TRIT1: variants seen among roughly 807,000 people sequenced by gnomAD.
TRIT1 encodes tRNA isopentenyltransferase 1, also known as tRNA dimethylallyltransferase.
Under a neutral mutation model 51.2 loss-of-function variants are expected in TRIT1, and 43 were observed. That is an observed-to-expected ratio of 0.84 (90% CI 0.66 to 1.08). The LOEUF is 1.08. Among genes scored for constraint, TRIT1 ranks in the 50% least tolerant of loss-of-function variants. The pLI is 0.00. For synonymous variants in TRIT1, 184 were observed against 203.9 expected (o/e 0.90, Z 0.83); for missense variants, 528 against 578.4 (o/e 0.91, Z 0.89).
Position 39,847,980 on chromosome 1 carries a change from C to T in TRIT1, c.815+6G>A, listed in dbSNP as rs1642333611. On this transcript the variant is annotated splice_donor_region_variant and intron_variant, in intron 6 of 10. Coordinates refer to ENST00000316891, the MANE Select transcript of TRIT1 (RefSeq NM_017646.6). The stretch of plus-strand genomic sequence containing the variant: ...CAGTAGGTCAGAATAACAGCCAAAT[C>T]CTCACCTATTTTCCGAAACATTCTT... 2 of 1,610,744 alleles carry T rather than the reference C, an allele frequency of 1.2e-6. No individual in the cohort carries two copies. The highest frequency in any genetic ancestry group is 1.7e-5 in the Admixed American group (1 of 60,000).
In TRIT1 at chr1:39,844,265, G is replaced by A. The variant is rs751822165; in HGVS notation, c.1117-47C>T. On this transcript the variant is annotated intron_variant, in intron 9 of 10. Coordinates refer to ENST00000316891, the MANE Select transcript of TRIT1 (RefSeq NM_017646.6). The stretch of plus-strand genomic sequence containing the variant: ...GGAGTATTCAATTCAAAGAGATCTG[G>A]ATATAATTCTCTATTAAGGGAAATG... 2.8e-6 allele frequency: 4 copies of A among 1,439,718 alleles called. No individual in the cohort carries two copies. The African/African-American group carries it at 5.7e-5, about 20-fold the overall frequency. The allele number at this position is 1,439,718 out of a possible 1,614,324, so 89.2% of individuals were successfully genotyped here. A position where few individuals can be genotyped will look rare whatever the true frequency, so the allele number is the denominator to read the frequency against.
rs1359498966 is a variant in TRIT1, at chr1:39,839,978, G to A, written c.*1766C>T. ...CTACAAACTGCCAGCTTAACACAGT[G>A]CTTAATAGCTTGAGTCTACCAGCCT... On this transcript the variant is annotated 3_prime_UTR_variant, in exon 11 of 11. Coordinates refer to ENST00000316891, the MANE Select transcript of TRIT1 (RefSeq NM_017646.6). 6.6e-6 allele frequency among the ~76,000 whole-genome samples: 1 copy of A among 152,196 alleles called. No homozygotes were observed. Among genetic ancestry groups the A allele is most frequent in the African/African-American group, 2.4e-5 (1 of 41,442 alleles).
intron 5 of TRIT1, 27 bp downstream of exon 5, chr1:39,850,092 G>T: frequency 6.2e-7 from 1 of 1,612,182 alleles, no homozygotes; most frequent in South Asian, 1.1e-5. Context: ...ATCACAGATG[G>T]ACTCTAGGGC....
chr1:39,878,810 C>T (rs1644151094), intron 1 of TRIT1, among the ~76,000 whole-genome samples: 1 of 152,176 alleles, frequency 6.6e-6, no homozygotes, highest in Non-Finnish European at 1.5e-5. Flanking sequence ...TTAGCTGCAG[C>T]AAATTTTATC....
At chr1:39,859,298 G>GAAAAAAAAAAAAAAAAAAA (rs1643099762) in intron 1 of TRIT1, among the ~76,000 whole-genome samples, 1 of 76,158 alleles carries the variant, frequency 1.3e-5, no homozygotes. Flanking sequence ...AAAAAAAAAC[G>GAAAAAAAAAAAAAAAAAAA]AAAGAGGCCA....
In TRIT1 at chr1:39,844,635, C is replaced by A. The variant is rs752510380; in HGVS notation, c.1012G>T (p.Gly338Cys). 2 of 1,611,158 alleles carry A rather than the reference C, an allele frequency of 1.2e-6. No individual in the cohort carries two copies. Among genetic ancestry groups the A allele is most frequent in the Non-Finnish European group, 1.7e-6 (2 of 1,177,464 alleles). ...WVKNRFLSRPGPIVPPVYGLE... is the reference protein window; with the variant it reads ...WVKNRFLSRPCPIVPPVYGLE... ...CCATAGACAGGGGGGACAATGGGAC[C>A]AGGTCCTAATGATGACAAAGAAAGG... Residue 338 changes from glycine to cysteine, a missense_variant, in exon 9 of 11, where the codon GGT becomes TGT. Gly to Cys is a radical substitution (Grantham distance 159, BLOSUM62 -3). Coordinates refer to ENST00000316891, the MANE Select transcript of TRIT1 (RefSeq NM_017646.6).
chr1:39,848,134 TGTAG>T, intron 5 of TRIT1, 37 bp from the exon 6 acceptor site: 1 of 1,498,380 alleles, frequency 6.7e-7, no homozygotes, highest in Non-Finnish European at 9.3e-7. Flanking sequence ...GCAAGCAAGT[TGTAG>T]GTACCTACTA....
Position 39,848,104 on chromosome 1 carries a change from T to C in TRIT1, c.704-7A>G. On this transcript the variant is annotated splice_region_variant and splice_polypyrimidine_tract_variant and intron_variant, in intron 5 of 10. Coordinates refer to ENST00000316891, the MANE Select transcript of TRIT1 (RefSeq NM_017646.6). The stretch of plus-strand genomic sequence containing the variant: ...TCCAAGCGCTCATCTAGAACTTGAA[T>C]CAAATTAGCCCATCAACCAGCAAGC... 6.2e-7 allele frequency: 1 copy of C among 1,612,778 alleles called. No individual in the cohort carries two copies. The highest frequency in any genetic ancestry group is 8.5e-7 in the Non-Finnish European group (1 of 1,178,800).
chr1:39,853,861 A>G, intron 3 of TRIT1, 109 bp downstream of exon 3: 1 of 709,594 alleles, frequency 1.4e-6, no homozygotes, highest in East Asian at 2.7e-5. Flanking sequence ...GGAAAATTAT[A>G]GTTGCTGGGT....
intron 1 of TRIT1, among the ~76,000 whole-genome samples, chr1:39,868,268 G>T (rs1301768069): frequency 1.3e-5 from 2 of 152,154 alleles, no homozygotes; most frequent in Admixed American, 1.3e-4. Context: ...ACTGTGAAGA[G>T]AATGAAAAAA....
intron 1 of TRIT1, among the ~76,000 whole-genome samples, chr1:39,864,587 G>C (rs1643430040): frequency 1.6e-5 from 2 of 125,820 alleles, no homozygotes; most frequent in Admixed American, 8.5e-5. Context: ...GACAGAGCGA[G>C]ACTCTGTCTC....
At chr1:39,870,219 C>G (rs12044317) in intron 1 of TRIT1, among the ~76,000 whole-genome samples, 1 of 151,898 alleles carries the variant, frequency 6.6e-6, no homozygotes. Context: ...CCCCCAACCC[C>G]GTGCTCTCTG....
Position 39,852,818 on chromosome 1 carries a change from T to A in TRIT1, c.473A>T (p.Asp158Val). The change falls in exon 4 of 11, where the codon GAT becomes GTT. Residue 158 changes from aspartate (D) to valine (V), a missense_variant. By Grantham distance (152) the Asp-to-Val change is radical. Coordinates refer to ENST00000316891, the MANE Select transcript of TRIT1 (RefSeq NM_017646.6). Reference protein sequence around the residue: ...IDRKVELEKEDGLVLHKRLSQ... With the variant: ...IDRKVELEKEVGLVLHKRLSQ... ...TAGGCGTTTGTGAAGTACAAGACCA[T>A]CCTCCTTTTCAAGCTCCACTTTTCG... 1 of 1,614,158 alleles carries A rather than the reference T, an allele frequency of 6.2e-7. No homozygotes were observed. Among genetic ancestry groups the A allele is most frequent in the Non-Finnish European group, 8.5e-7 (1 of 1,180,000 alleles).
rs760669230 is a variant in TRIT1, at chr1:39,854,035, T to G, written c.349A>C (p.Ile117Leu). 2 of 1,612,344 alleles carry G rather than the reference T, an allele frequency of 1.2e-6. No homozygotes were observed. Among genetic ancestry groups the G allele is most frequent in the South Asian group, 2.2e-5 (2 of 90,632 alleles). ...EDIFARDKIP[I>L]VVGGTNYYIE... is the part of the protein sequence containing the mutation. Reference sequence around the variant, plus strand: ...TAATAATTGGTTCCTCCCACAACAATAGGAATTTTGTCTCGGGCAAATATA... The same window carrying G: ...TAATAATTGGTTCCTCCCACAACAAGAGGAATTTTGTCTCGGGCAAATATA... The change falls in exon 3 of 11, where the codon ATT becomes CTT. Residue 117 changes from isoleucine (I) to leucine (L), a missense_variant. By Grantham distance (5) the Ile-to-Leu change is conservative. Coordinates refer to ENST00000316891, the MANE Select transcript of TRIT1 (RefSeq NM_017646.6).
intron 1 of TRIT1, among the ~76,000 whole-genome samples, chr1:39,879,213 G>A (rs943290652): frequency 6.6e-6 from 1 of 151,970 alleles, no homozygotes; most frequent in Non-Finnish European, 1.5e-5. Flanking sequence ...AGGTTGCAGT[G>A]AGCCAAGATC....
intron 1 of TRIT1, among the ~76,000 whole-genome samples, chr1:39,880,815 G>GA (rs1644237157): frequency 7.3e-6 from 1 of 136,408 alleles, no homozygotes; most frequent in African/African-American, 2.9e-5. Context: ...AAAAAGAAAA[G>GA]AAAAAAGATA....
chr1:39,874,842 AT>A (rs547600840), intron 1 of TRIT1, among the ~76,000 whole-genome samples: 2 of 151,390 alleles, frequency 1.3e-5, no homozygotes, highest in African/African-American at 2.4e-5. Context: ...ATTTTTTTGT[AT>A]TTTTAGTGGA....
intron 1 of TRIT1, among the ~76,000 whole-genome samples, chr1:39,857,992 C>T (rs1255705468): frequency 6.6e-6 from 1 of 152,204 alleles, no homozygotes; most frequent in African/African-American, 2.4e-5. Context: ...ATCAAAATTA[C>T]TGCTTCAGGG....
intron 8 of TRIT1, 30 bp from the exon 9 acceptor site, chr1:39,844,670 G>A (rs1281374250): frequency 6.5e-7 from 1 of 1,535,510 alleles, no homozygotes; most frequent in Non-Finnish European, 9.0e-7. Flanking sequence ...GTTGTGAGAG[G>A]TCAGCCTCAA....
Sources: gnomAD v4.1 joint callset for allele counts (sites outside exome capture counted in the v4.1 genomes callset) on GRCh38, gnomAD v4.1.1 for gene constraint, MANE v1.5 for transcripts, NCBI Gene and HGNC (gene_info 2026-07-23, HGNC 2026-07-21) for gene names.